NOL10: variants seen among roughly 807,000 people sequenced by gnomAD.
NOL10 encodes nucleolar protein 10, also known as H_NH0074G24.1.
Under a neutral mutation model 103.5 loss-of-function variants are expected in NOL10, and 58 were observed. The observed-to-expected ratio is 0.56, with a 90% CI of 0.45 to 0.70. NOL10 has a LOEUF of 0.70. Among genes scored for constraint, NOL10 ranks in the 30% least tolerant of loss-of-function variants. The probability of loss-of-function intolerance (pLI) is 0.00; values close to 1 mark genes in which losing one functional copy is unlikely to be tolerated. For synonymous variants in NOL10, 287 were observed against 282.5 expected (o/e 1.02, Z -0.16); for missense variants, 763 against 807.3 (o/e 0.95, Z 0.67).
At chr2:10,610,116 T>C (rs1676472148) in intron 13 of NOL10, among the ~76,000 whole-genome samples, 1 of 152,326 alleles carries the variant, frequency 6.6e-6, no homozygotes, top group South Asian at 2.1e-4. Context: ...ATACTTCTGG[T>C]GAAAGTTAGA....
At chr2:10,593,361 A>C (rs140583429) in intron 17 of NOL10, among the ~76,000 whole-genome samples, 1 of 152,044 alleles carries the variant, frequency 6.6e-6, no homozygotes, top group Non-Finnish European at 1.5e-5. Flanking sequence ...CTGGTCTCAA[A>C]CTTCTGACCT....
At chr2:10,602,677 G>A in intron 16 of NOL10, 99 bp downstream of exon 16, 1 of 763,124 alleles carries the variant, frequency 1.3e-6, no homozygotes. Context: ...ATTAAAGATG[G>A]AAAATCAAGA....
intron 17 of NOL10, among the ~76,000 whole-genome samples, chr2:10,595,794 G>T (rs1675656646): frequency 6.6e-6 from 1 of 151,768 alleles, no homozygotes; most frequent in Non-Finnish European, 1.5e-5. Flanking sequence ...TAGTAGAAAT[G>T]GGGTTTCACT....
intron 20 of NOL10, among the ~76,000 whole-genome samples, chr2:10,575,352 C>A (rs1468798): frequency 0.96 from 146,358 of 152,330 alleles, 70,369 homozygotes; most frequent in African/African-American, 0.98. Flanking sequence ...CATATCTAAC[C>A]TGCAGTATAA....
chr2:10,684,250 T>C (rs1681989303), intron 2 of NOL10, among the ~76,000 whole-genome samples: 1 of 143,710 alleles, frequency 7.0e-6, no homozygotes, highest in Admixed American at 7.3e-5. Context: ...CACTCCAGCC[T>C]GGGCAATAAG....
chr2:10,663,768 T>C (rs1285353016), intron 8 of NOL10, among the ~76,000 whole-genome samples: 1 of 151,718 alleles, frequency 6.6e-6, no homozygotes, highest in African/African-American at 2.4e-5. Flanking sequence ...GCTAACACAG[T>C]GAAACCCAGT....
chr2:10,643,317 A>G (rs1034415048), intron 13 of NOL10, among the ~76,000 whole-genome samples: 2 of 152,208 alleles, frequency 1.3e-5, no homozygotes, highest in African/African-American at 2.4e-5. Flanking sequence ...AATAATTTTC[A>G]TACCTGCAAG....
At chr2:10,632,065 A>C (rs995295905) in intron 13 of NOL10, among the ~76,000 whole-genome samples, 2 of 152,200 alleles carry the variant, frequency 1.3e-5, no homozygotes, top group Non-Finnish European at 2.9e-5. Flanking sequence ...AGCACTGCAA[A>C]CCAGCCATGG....
intron 19 of NOL10, among the ~76,000 whole-genome samples, chr2:10,581,027 T>C (rs1674722055): frequency 6.6e-6 from 1 of 152,222 alleles, no homozygotes; most frequent in Non-Finnish European, 1.5e-5. Context: ...CTTTGACAAA[T>C]ATTTACATAT....
Position 10,657,842 on chromosome 2 carries a change from T to G in NOL10, c.806A>C (p.His269Pro). The change falls in exon 11 of 21, where the codon CAC becomes CCC. Residue 269 changes from histidine (H) to proline (P), a missense_variant. Coordinates refer to ENST00000381685, the MANE Select transcript of NOL10 (RefSeq NM_024894.4). ...RSDKPLLVKD[H>P]QYGLPIKSVH... ...GGACTTAATGGGCAGCCCATACTGGTGATCTTTAACTAGCAATGGCTTATC... is the reference window on the plus strand; with the variant it reads ...GGACTTAATGGGCAGCCCATACTGGGGATCTTTAACTAGCAATGGCTTATC... 1 of 1,549,982 alleles carries G rather than the reference T, an allele frequency of 6.5e-7. No individual in the cohort carries two copies. Among genetic ancestry groups the G allele is most frequent in the Non-Finnish European group, 8.7e-7 (1 of 1,146,100 alleles).
chr2:10,683,038 C>A (rs958723849), intron 2 of NOL10, among the ~76,000 whole-genome samples: 2 of 152,186 alleles, frequency 1.3e-5, no homozygotes, highest in African/African-American at 2.4e-5. Flanking sequence ...CCGCCTGGGC[C>A]TTCCAAAGTG....
chr2:10,581,304 T>C (rs1674739886), intron 19 of NOL10, among the ~76,000 whole-genome samples: 1 of 152,122 alleles, frequency 6.6e-6, no homozygotes, highest in Non-Finnish European at 1.5e-5. Context: ...TCCAGCAAAC[T>C]CCTACTAGGA....
chr2:10,639,504 A>C (rs1025900292), intron 13 of NOL10, among the ~76,000 whole-genome samples: 16 of 152,182 alleles, frequency 1.1e-4, no homozygotes, highest in African/African-American at 3.9e-4. Flanking sequence ...GCAGCAAGCA[A>C]TCACTCACAC....
intron 17 of NOL10, among the ~76,000 whole-genome samples, chr2:10,596,904 C>A (rs1281651256): frequency 2.0e-5 from 3 of 152,186 alleles, no homozygotes; most frequent in African/African-American, 7.2e-5. Context: ...GATGCCCATG[C>A]CTCTCAAAGC....
intron 18 of NOL10, 73 bp from the exon 19 acceptor site, chr2:10,589,363 G>A: frequency 2.5e-6 from 4 of 1,571,826 alleles, no homozygotes; most frequent in Non-Finnish European, 3.4e-6. Flanking sequence ...CTCTGAAGCA[G>A]CACTGGCCCA....
In NOL10 at chr2:10,664,959, T is replaced by C. The variant is rs1680481503; in HGVS notation, c.592-1915A>G. 3.9e-5 allele frequency among the ~76,000 whole-genome samples: 6 copies of C among 152,364 alleles called. No homozygotes were observed. In the South Asian group the frequency reaches 1.0e-3, roughly 26 times the overall value. ...ACAGGGTGGAAGGGAATTACACTTT[T>C]CACTTTGTGTTCTTGTCTATCATTT... On this transcript the variant is annotated intron_variant, in intron 8 of 20. Transcript: ENST00000381685.
chr2:10,615,081 A>C (rs1283147841), intron 13 of NOL10, among the ~76,000 whole-genome samples: 1 of 152,208 alleles, frequency 6.6e-6, no homozygotes, highest in Non-Finnish European at 1.5e-5. Context: ...CATGACCTTA[A>C]GCATGTAATT....
chr2:10,589,624 C>T lies in NOL10; in HGVS notation c.1550G>A (p.Arg517Lys). Residue 517 changes from arginine (R) to lysine (K), a missense_variant, in exon 18 of 21, where the codon AGG becomes AAG. Physicochemically the swap from Arg to Lys is conservative, Grantham distance 26. Transcript: ENST00000381685. Reference sequence around the variant, plus strand: ...CTCTAAGAGTCTTAGTTTCTTCTTCCTTTTTTCACTAATTTTTGAAACAAG... The same window carrying T: ...CTCTAAGAGTCTTAGTTTCTTCTTCTTTTTTTCACTAATTTTTGAAACAAG... Reference protein sequence around the residue: ...NPLVSKISEKRKKKLRLLEQQ... With the variant: ...NPLVSKISEKKKKKLRLLEQQ... 1 of 1,591,542 alleles carries T rather than the reference C, an allele frequency of 6.3e-7. No homozygotes were observed. The highest frequency in any genetic ancestry group is 8.5e-7 in the Non-Finnish European group (1 of 1,172,244).
At chr2:10,615,245 G>T (rs1337198289) in intron 13 of NOL10, among the ~76,000 whole-genome samples, 1 of 152,074 alleles carries the variant, frequency 6.6e-6, no homozygotes, top group Non-Finnish European at 1.5e-5. Flanking sequence ...CATTTTAAAA[G>T]ATTTATTTTT....
Sources: allele counts gnomAD v4.1 joint callset (sites outside exome capture counted in the v4.1 genomes callset), GRCh38; gene constraint gnomAD v4.1.1; transcripts MANE v1.5; gene names NCBI Gene and HGNC (gene_info 2026-07-23, HGNC 2026-07-21).